Variants in TSPEAR observed in about 807,000 individuals in gnomAD.
TSPEAR encodes the protein thrombospondin-type laminin G domain and EAR repeat-containing protein.
In TSPEAR, 69 loss-of-function variants were observed where a neutral mutation model predicts 71.6. That is an observed-to-expected ratio of 0.96 (90% CI 0.79 to 1.18). The LOEUF (loss-of-function observed/expected upper bound fraction) is 1.18, where lower values mean the gene tolerates loss of function less well. TSPEAR is among the 50% of genes most tolerant of loss of function. The probability of loss-of-function intolerance (pLI) is 0.00; values close to 1 mark genes in which losing one functional copy is unlikely to be tolerated. For missense variants in TSPEAR, 971 were observed against 894.9 expected (o/e 1.09, Z -1.09); for synonymous variants, 402 against 387.2 (o/e 1.04, Z -0.45).
At chr21:44,501,107 TCA>T (rs1452297524) in intron 11 of TSPEAR, among the ~76,000 whole-genome samples, 1 of 152,258 alleles carries the variant, frequency 6.6e-6, no homozygotes, top group Non-Finnish European at 1.5e-5. Flanking sequence ...ATCTCCCGAA[TCA>T]TATGGAGTTA....
At chr21:44,629,997 T>C (rs868970448) in intron 1 of TSPEAR, among the ~76,000 whole-genome samples, 2 of 152,078 alleles carry the variant, frequency 1.3e-5, no homozygotes, top group Non-Finnish European at 2.9e-5. Flanking sequence ...AGGAGCATCT[T>C]GCACAGGCTT....
In TSPEAR at chr21:44,646,350, A is replaced by G. The variant is rs1206731166; in HGVS notation, c.82+65083T>C. 2.7e-6 allele frequency: 4 copies of G among 1,459,380 alleles called. No individual in the cohort carries two copies. The East Asian group carries it at 6.9e-5, about 25-fold the overall frequency. The allele number at this position is 1,459,380 out of a possible 1,614,324, so 90.4% of individuals were successfully genotyped here. On this transcript the variant is annotated intron_variant, in intron 1 of 11. Coordinates refer to ENST00000323084, the MANE Select transcript of TSPEAR (RefSeq NM_144991.3). The stretch of plus-strand genomic sequence containing the variant: ...GCCTCCTGTTGGGACAACACATGCC[A>G]GGGAGGGATTTAAAAGCCCCACAGC...
chr21:44,696,187 G>A (rs1447540702), intron 1 of TSPEAR, among the ~76,000 whole-genome samples: 1 of 151,956 alleles, frequency 6.6e-6, no homozygotes, highest in Non-Finnish European at 1.5e-5. Flanking sequence ...CTTTTTTATA[G>A]CTAGACCCAA....
intron 1 of TSPEAR, chr21:44,698,096 C>G: frequency 3.3e-6 from 3 of 915,064 alleles, no homozygotes; most frequent in Non-Finnish European, 3.3e-6. Context: ...TTCCCCTAAG[C>G]CCTGGGGGCT....
chr21:44,514,684 CT>C (rs2145938276), intron 9 of TSPEAR, among the ~76,000 whole-genome samples: 1 of 152,340 alleles, frequency 6.6e-6, no homozygotes, highest in East Asian at 1.9e-4. Context: ...TGTGCCTAGA[CT>C]TCTAGGGACA....
chr21:44,607,033 T>C (rs954390864), intron 1 of TSPEAR, among the ~76,000 whole-genome samples: 11 of 152,104 alleles, frequency 7.2e-5, no homozygotes, highest in Non-Finnish European at 1.6e-4. Flanking sequence ...ACCAGAAAAA[T>C]GGTAAGTTGG....
At chr21:44,683,999 A>G (rs1307840564) in intron 1 of TSPEAR, among the ~76,000 whole-genome samples, 4 of 152,228 alleles carry the variant, frequency 2.6e-5, no homozygotes, top group Non-Finnish European at 5.9e-5. Context: ...AATCTCAGAA[A>G]GCCCCCAGTA....
At position 44,539,322 on chromosome 21, in the gene TSPEAR, A is replaced by T. The variant is rs782677132; in HGVS notation, c.304-5399T>A. On this transcript the variant is annotated intron_variant, in intron 2 of 11. Transcript: ENST00000323084. ...AGGCCTCAGCAGGCCGGGCGGGAGCACGCGGGGCGGCAGAGGAGGGACACG... is the reference window on the plus strand; with the variant it reads ...AGGCCTCAGCAGGCCGGGCGGGAGCTCGCGGGGCGGCAGAGGAGGGACACG... 7.4e-6 allele frequency: 12 copies of T among 1,611,524 alleles called. No individual in the cohort carries two copies. Among genetic ancestry groups the T allele is most frequent in the African/African-American group, 1.3e-5 (1 of 74,894 alleles).
chr21:44,666,201 G>C (rs1446405631), intron 1 of TSPEAR: 2 of 502,888 alleles, frequency 4.0e-6, no homozygotes, highest in Non-Finnish European at 7.0e-6. Flanking sequence ...CATGGGGAAA[G>C]CTGGTTTATT....
At chr21:44,604,001 T>C (rs1245046740) in intron 1 of TSPEAR, among the ~76,000 whole-genome samples, 3 of 152,240 alleles carry the variant, frequency 2.0e-5, no homozygotes, top group Non-Finnish European at 4.4e-5. Context: ...CCTGGGCACG[T>C]GGGCTGGCAG....
At chr21:44,630,254 C>G (rs2146208334) in intron 1 of TSPEAR, among the ~76,000 whole-genome samples, 2 of 152,254 alleles carry the variant, frequency 1.3e-5, no homozygotes, top group South Asian at 4.1e-4. Flanking sequence ...GAGAGGAGCA[C>G]AGTAGTGACG....
At chr21:44,590,312 G>A (rs587694611) in intron 1 of TSPEAR, among the ~76,000 whole-genome samples, 2 of 152,154 alleles carry the variant, frequency 1.3e-5, no homozygotes, top group African/African-American at 4.8e-5. Flanking sequence ...CAGAGCGGAG[G>A]GTGGCAGACA....
At position 44,574,437 on chromosome 21, in the gene TSPEAR, G is replaced by T. The variant is rs782063624; in HGVS notation, c.83-6432C>A. 13 of 1,600,854 alleles carry T rather than the reference G, an allele frequency of 8.1e-6. 1 individual carries two copies. In the African/African-American group the frequency reaches 1.5e-4, roughly 19 times the overall value. ...CTGCACCTCCTCCTCCTGCCAGCAG[G>T]CCTGCTGCGTGCCCGTCTGCTGCAA... On this transcript the variant is annotated intron_variant, in intron 1 of 11. Transcript: ENST00000323084.
At chr21:44,641,915 A>T (rs1432048115) in intron 1 of TSPEAR, among the ~76,000 whole-genome samples, 1 of 152,200 alleles carries the variant, frequency 6.6e-6, no homozygotes, top group Non-Finnish European at 1.5e-5. Flanking sequence ...TGAAATTTTT[A>T]CTCAGCAATT....
At chr21:44,562,258 G>A (rs1393601527) in intron 2 of TSPEAR, among the ~76,000 whole-genome samples, 1 of 152,096 alleles carries the variant, frequency 6.6e-6, no homozygotes, top group Non-Finnish European at 1.5e-5. Flanking sequence ...GAAATACCTA[G>A]GAACACAGCT....
chr21:44,545,124 C>T (rs1295769095), intron 2 of TSPEAR, among the ~76,000 whole-genome samples: 1 of 151,836 alleles, frequency 6.6e-6, no homozygotes, highest in East Asian at 1.9e-4. Context: ...TCGAGACCAT[C>T]CTGGCTAACA....
At chr21:44,527,110 G>A (rs1555915012) in intron 7 of TSPEAR, among the ~76,000 whole-genome samples, 182 bp downstream of exon 7, 1 of 152,190 alleles carries the variant, frequency 6.6e-6, no homozygotes, top group Non-Finnish European at 1.5e-5. Context: ...CTGCCTCAAA[G>A]TCACATCCTG....
chr21:44,546,488 C>G lies in TSPEAR; in HGVS notation c.304-12565G>C, dbSNP rs998602222. On this transcript the variant is annotated intron_variant, in intron 2 of 11. Transcript: ENST00000323084. This position sits in a 1 kb window ranked among gnomAD's most constrained non-coding sequence, Gnocchi z 4.4. ...TAGCTGGGACTACAGGCTCCCGCCA[C>G]CAGGCCCGGCTAATTTTTTGTATTT... Among the ~76,000 whole-genome samples, 2 of 152,220 alleles carry G rather than the reference C, an allele frequency of 1.3e-5. No individual in the cohort carries two copies. The highest frequency in any genetic ancestry group is 2.9e-5 in the Non-Finnish European group (2 of 68,048).
At chr21:44,637,268 G>A (rs1233474945) in intron 1 of TSPEAR, 19 of 1,078,738 alleles carry the variant, frequency 1.8e-5, no homozygotes, top group Admixed American at 9.3e-5. Context: ...ACACCAACAC[G>A]GAAGGGGAGG....
Sources: gnomAD v4.1 joint callset for allele counts (sites outside exome capture counted in the v4.1 genomes callset) on GRCh38, gnomAD v4.1.1 for gene constraint, Gnocchi (gnomAD v3.1) non-coding constraint, MANE v1.5 for transcripts, NCBI Gene and HGNC (gene_info 2026-07-23, HGNC 2026-07-21) for gene names.